The following SHD variants were observed in gnomAD, a reference collection of about 807,000 sequenced individuals.
SHD encodes the protein Src homology 2 domain containing transforming protein D.
Under a neutral mutation model 31.2 loss-of-function variants are expected in SHD, and 29 were observed. That is an observed-to-expected ratio of 0.93 (90% CI 0.69 to 1.27). SHD has a LOEUF of 1.27. SHD is among the 50% of genes most tolerant of loss of function. The pLI, the probability that SHD is intolerant of heterozygous loss-of-function variation, is 0.00. For synonymous variants in SHD, 208 were observed against 187.8 expected (o/e 1.11, Z -0.88); for missense variants, 520 against 453.8 (o/e 1.15, Z -1.33).
At chr19:4,283,270 C>T (rs1157567920) in intron 3 of SHD, 28 bp downstream of exon 3, 1 of 1,591,414 alleles carries the variant, frequency 6.3e-7, no homozygotes, top group South Asian at 1.1e-5. Context: ...ACTCTGACAT[C>T]TGAATGCCCC....
At chr19:4,282,141 C>G (rs1030651042) in intron 1 of SHD, among the ~76,000 whole-genome samples, 3 of 152,014 alleles carry the variant, frequency 2.0e-5, no homozygotes, top group African/African-American at 4.8e-5. Context: ...TTGGAGAGGC[C>G]AGGCACTGTG....
At position 4,280,131 on chromosome 19, in the gene SHD, C is replaced by T. The variant is rs1414688971; in HGVS notation, c.68C>T (p.Pro23Leu). 2 of 1,611,946 alleles carry T rather than the reference C, an allele frequency of 1.2e-6. No homozygotes were observed. Among genetic ancestry groups the T allele is most frequent in the Non-Finnish European group, 8.5e-7 (1 of 1,179,322 alleles). ...AGGCCCCCTCCGCAGCCGCCCACCC[C>T]GGACTACACCGAGAGCGACATCCTG... ...GRRPPPQPPT[P>L]DYTESDILRA... Residue 23 changes from proline to leucine, a missense_variant, in exon 1 of 6, where the codon CCG (proline) becomes CTG (leucine). Coordinates refer to ENST00000543264, the MANE Select transcript of SHD (RefSeq NM_020209.4).
chr19:4,289,549 T>TATC (rs1290847720), intron 5 of SHD, among the ~76,000 whole-genome samples: 2 of 149,764 alleles, frequency 1.3e-5, no homozygotes, highest in Non-Finnish European at 3.0e-5. Context: ...CCTGGCCTCT[T>TATC]ATTATTATTA....
intron 4 of SHD, among the ~76,000 whole-genome samples, chr19:4,285,687 C>T (rs1036941934): frequency 6.7e-6 from 1 of 149,764 alleles, no homozygotes; most frequent in Non-Finnish European, 1.5e-5. Flanking sequence ...GTAGGTGGGA[C>T]TACAGGCGTG....
intron 5 of SHD, 128 bp from the exon 6 acceptor site, chr19:4,290,319 C>T (rs1971363853): frequency 1.0e-6 from 1 of 957,364 alleles, no homozygotes; most frequent in African/African-American, 1.6e-5. Flanking sequence ...AGCCACCACA[C>T]TGCTGTTTAC....
chr19:4,286,253 TTCTTTCTC>T (rs1420962700), intron 4 of SHD, among the ~76,000 whole-genome samples: 1 of 115,228 alleles, frequency 8.7e-6, no homozygotes, highest in African/African-American at 3.6e-5. Context: ...CTTTCTTTCT[TTCTTTCTC>T]TCTTTCTTTC....
Position 4,280,158 on chromosome 19 carries a change from G to A in SHD, c.95G>A (p.Arg32Lys), listed in dbSNP as rs776846661. The A allele has an allele frequency of 6.2e-7, 1 of 1,613,930 alleles. No homozygotes were observed. Among genetic ancestry groups the A allele is most frequent in the South Asian group, 1.1e-5 (1 of 91,068 alleles). ...GACTACACCGAGAGCGACATCCTGA[G>A]GGCCTACCGCGCGCAGAAGAACCTG... ...TPDYTESDIL[R>K]AYRAQKNLDF... The change falls in exon 1 of 6, where the codon AGG becomes AAG. Residue 32 changes from arginine to lysine, a missense_variant. Arg to Lys is a conservative substitution (Grantham distance 26). Transcript: ENST00000543264.
At chr19:4,288,576 C>G (rs756422011) in intron 5 of SHD, among the ~76,000 whole-genome samples, 1 of 152,032 alleles carries the variant, frequency 6.6e-6, no homozygotes, top group Non-Finnish European at 1.5e-5. Flanking sequence ...TGGAGGTATA[C>G]AAGAAGATGG....
At chr19:4,284,679 A>C in intron 3 of SHD, 102 bp from the exon 4 acceptor site, 1 of 1,343,928 alleles carries the variant, frequency 7.4e-7, no homozygotes, top group Non-Finnish European at 9.7e-7. Flanking sequence ...AGGTTGTCCC[A>C]AGCTGGCCCT....
At chr19:4,290,268 CT>C (rs1239093859) in intron 5 of SHD, among the ~76,000 whole-genome samples, 178 bp from the exon 6 acceptor site, 1 of 152,186 alleles carries the variant, frequency 6.6e-6, no homozygotes, top group African/African-American at 2.4e-5. Flanking sequence ...ACAGCCTCAG[CT>C]TCCCATATCA....
In SHD at chr19:4,283,552, C is replaced by CTTTAT. The variant is rs568664458; in HGVS notation, c.592+334_592+338dup. Among the ~76,000 whole-genome samples the CTTTAT allele has an allele frequency of 4.3e-3, 628 of 147,672 alleles. 3 individuals are homozygous for CTTTAT. The highest frequency in any genetic ancestry group is 0.01 in the East Asian group (49 of 4,884). ...TGTGGGGGTGGCAGGGGCAGCATTT[C>CTTTAT]TTTATTTTATTTTATTTTATTTTAT... On this transcript the variant is annotated intron_variant, in intron 3 of 5. Transcript: ENST00000543264.
In SHD at chr19:4,280,111, C is replaced by T. The variant is rs865795649; in HGVS notation, c.48C>T (p.Pro16=). 2 of 1,611,662 alleles carry T rather than the reference C, an allele frequency of 1.2e-6. No individual in the cohort carries two copies. Among genetic ancestry groups the T allele is most frequent in the Non-Finnish European group, 1.7e-6 (2 of 1,179,238 alleles). Residue 16 remains proline (P), a synonymous_variant, in exon 1 of 6, where the codon CCC becomes CCT. Coordinates refer to ENST00000543264, the MANE Select transcript of SHD (RefSeq NM_020209.4). ...RDYLSFGGRR[P]PPQPPTPDYT... is the part of the protein sequence containing the mutation. ...ACCTGAGCTTTGGGGGTCGGAGGCC[C>T]CCTCCGCAGCCGCCCACCCCGGACT...
At chr19:4,285,352 C>G (rs967608332) in intron 4 of SHD, among the ~76,000 whole-genome samples, 3 of 152,128 alleles carry the variant, frequency 2.0e-5, no homozygotes, top group African/African-American at 4.8e-5. Context: ...CTCACAGCTC[C>G]GTGCTGGGGT....
At position 4,281,712 on chromosome 19, in the gene SHD, C is replaced by T. The variant is rs1484333890; in HGVS notation, c.298-1158C>T. ...GGTGGAGGTTGCAGTGAGCCAACAT[C>T]GCGCCACTGCACTCCAGCCTGGGTG... On this transcript the variant is annotated intron_variant, in intron 1 of 5. Coordinates refer to ENST00000543264, the MANE Select transcript of SHD (RefSeq NM_020209.4). 2.0e-5 allele frequency among the ~76,000 whole-genome samples: 3 copies of T among 149,796 alleles called. No homozygotes were observed. The East Asian group carries it at 6.0e-4, about 30-fold the overall frequency.
chr19:4,286,192 C>A (rs533886771), intron 4 of SHD, among the ~76,000 whole-genome samples: 2 of 151,330 alleles, frequency 1.3e-5, no homozygotes, highest in South Asian at 2.1e-4. Flanking sequence ...GCACCTGGCC[C>A]GCTCTTTCTT....
chr19:4,286,322 TCCTTCCTTCCTTC>T (rs1971317663), intron 4 of SHD, among the ~76,000 whole-genome samples: 1 of 138,648 alleles, frequency 7.2e-6, no homozygotes, highest in Non-Finnish European at 1.5e-5. Context: ...CTTCCTACCT[TCCTTCCTTCCTTC>T]CTTTCTTTCT....
chr19:4,281,253 C>T (rs10426910), intron 1 of SHD, among the ~76,000 whole-genome samples: 52,718 of 150,374 alleles, frequency 0.35, 9,247 homozygotes, highest in East Asian at 0.42. Flanking sequence ...GAGACCAGCC[C>T]GGGCTAACAG....
intron 4 of SHD, among the ~76,000 whole-genome samples, chr19:4,286,327 CCTTCCTTCCTTT>C (rs1568369526): frequency 7.1e-6 from 1 of 140,980 alleles, no homozygotes; most frequent in Non-Finnish European, 1.5e-5. Flanking sequence ...TACCTTCCTT[CCTTCCTTCCTTT>C]CTTTCTCTCT....
intron 1 of SHD, 31 bp downstream of exon 1, chr19:4,280,391 G>A: frequency 1.3e-6 from 2 of 1,529,534 alleles, no homozygotes; most frequent in Non-Finnish European, 1.8e-6. Context: ...GGGAGACTGG[G>A]TGGAGGGGAG....
Sources: gnomAD v4.1 joint callset for allele counts (sites outside exome capture counted in the v4.1 genomes callset) on GRCh38, gnomAD v4.1.1 for gene constraint, MANE v1.5 for transcripts, NCBI Gene and HGNC (gene_info 2026-07-23, HGNC 2026-07-21) for gene names.